Variants in SGMS2 observed in about 807,000 individuals in gnomAD.
The protein encoded by SGMS2 is sphingomyelin synthase 2.
In SGMS2, 21 loss-of-function variants were observed where a neutral mutation model predicts 43.8. That is an observed-to-expected ratio of 0.48 (90% CI 0.34 to 0.69). The LOEUF (loss-of-function observed/expected upper bound fraction) is 0.69, where lower values mean the gene tolerates loss of function less well. SGMS2 is among the 30% of genes least tolerant of loss of function. The pLI, the probability that SGMS2 is intolerant of heterozygous loss-of-function variation, is 0.01. For synonymous variants in SGMS2, 167 were observed against 160.6 expected (o/e 1.04, Z -0.30); for missense variants, 384 against 443.2 (o/e 0.87, Z 1.20).
intron 1 of SGMS2, among the ~76,000 whole-genome samples, chr4:107,826,161 G>C (rs1253247829): frequency 6.6e-6 from 1 of 152,148 alleles, no homozygotes. Context: ...TAATAATGAG[G>C]ATAATAATGA....
chr4:107,878,409 C>T (rs559654573), intron 2 of SGMS2, among the ~76,000 whole-genome samples: 28 of 152,242 alleles, frequency 1.8e-4, no homozygotes, highest in Non-Finnish European at 3.1e-4. Flanking sequence ...CACTCTCACA[C>T]CTTAACTTTG....
chr4:107,865,969 A>C (rs1188050411), intron 2 of SGMS2, among the ~76,000 whole-genome samples: 6 of 152,178 alleles, frequency 3.9e-5, no homozygotes, highest in African/African-American at 1.4e-4. Context: ...GCCAATGGCC[A>C]ATCATTTAGC....
At chr4:107,859,969 T>C (rs1578545551) in intron 2 of SGMS2, among the ~76,000 whole-genome samples, 2 of 151,678 alleles carry the variant, frequency 1.3e-5, no homozygotes, top group East Asian at 3.9e-4. Context: ...GTTTTTTTTT[T>C]CCTTTGCAAT....
chr4:107,855,733 GT>G (rs1206054242), intron 1 of SGMS2, among the ~76,000 whole-genome samples: 1 of 152,122 alleles, frequency 6.6e-6, no homozygotes, highest in Non-Finnish European at 1.5e-5. Flanking sequence ...TAATTCCAAT[GT>G]TTTTTACTGA....
At chr4:107,906,684 G>A (rs1731606851) in intron 5 of SGMS2, among the ~76,000 whole-genome samples, 1 of 152,138 alleles carries the variant, frequency 6.6e-6, no homozygotes. Flanking sequence ...ATGAGTGGTG[G>A]GCCCAATGTG....
chr4:107,890,674 C>CA (rs58069785), intron 2 of SGMS2, among the ~76,000 whole-genome samples: 11,414 of 62,496 alleles, frequency 0.18, 714 homozygotes, highest in African/African-American at 0.29. Flanking sequence ...TACTCCACCT[C>CA]AAAAAAAAAA....
At chr4:107,860,492 G>T (rs79237587) in intron 2 of SGMS2, among the ~76,000 whole-genome samples, 1,519 of 151,226 alleles carry the variant, frequency 0.01, 32 homozygotes, top group African/African-American at 0.035. Flanking sequence ...AATTTTAATA[G>T]ATATCATTAA....
chr4:107,827,285 G>A (rs1725645833), intron 1 of SGMS2, among the ~76,000 whole-genome samples: 1 of 152,140 alleles, frequency 6.6e-6, no homozygotes. Flanking sequence ...TTAACGTTTA[G>A]TATGCAACAA....
intron 1 of SGMS2, among the ~76,000 whole-genome samples, chr4:107,849,374 T>G (rs1328819979): frequency 1.3e-5 from 2 of 152,168 alleles, no homozygotes; most frequent in Non-Finnish European, 2.9e-5. Flanking sequence ...ATGTAGCTAG[T>G]GTGACTGAGG....
At chr4:107,825,588 GTGTT>G (rs1725535797) in intron 1 of SGMS2, among the ~76,000 whole-genome samples, 1 of 149,802 alleles carries the variant, frequency 6.7e-6, no homozygotes, top group Non-Finnish European at 1.5e-5. Context: ...CTGTGTGTGT[GTGTT>G]TGTGTGTGTG....
chr4:107,901,124 C>G (rs908410567), intron 4 of SGMS2, among the ~76,000 whole-genome samples: 1 of 152,160 alleles, frequency 6.6e-6, no homozygotes, highest in African/African-American at 2.4e-5. Flanking sequence ...TCTTTGGAAG[C>G]CACATCAGTG....
At position 107,909,683 on chromosome 4, in the gene SGMS2, C is replaced by T. The variant is rs551571033; in HGVS notation, c.895-667C>T. Among the ~76,000 whole-genome samples the T allele has an allele frequency of 2.0e-5, 3 of 152,312 alleles. No homozygotes were observed. In the South Asian group the frequency reaches 6.2e-4, roughly 32 times the overall value. On this transcript the variant is annotated intron_variant, in intron 6 of 6. Coordinates refer to ENST00000690982, the MANE Select transcript of SGMS2 (RefSeq NM_001375905.1). ...AATTATTCCTCCCAGTCTCTCTTTT[C>T]TCCTAGTCTTGGTATGTGTCCTTGG...
chr4:107,906,196 A>G (rs1422860489), intron 5 of SGMS2, among the ~76,000 whole-genome samples: 1 of 152,094 alleles, frequency 6.6e-6, no homozygotes, highest in Non-Finnish European at 1.5e-5. Context: ...ATTTATATAT[A>G]TATTTTTTTA....
In SGMS2 at chr4:107,850,992, C is replaced by T. The variant is rs552735552; in HGVS notation, c.-326-7480C>T. Among the ~76,000 whole-genome samples, 4 of 152,310 alleles carry T rather than the reference C, an allele frequency of 2.6e-5. No individual in the cohort carries two copies. The South Asian group carries it at 8.3e-4, about 32-fold the overall frequency. ...TTTAATACTCTCTTTCATATGGACACCACCAAATAACTCCTTAGCATCCTG... is the reference window on the plus strand; with the variant it reads ...TTTAATACTCTCTTTCATATGGACATCACCAAATAACTCCTTAGCATCCTG... On this transcript the variant is annotated intron_variant, in intron 1 of 6. Coordinates refer to ENST00000690982, the MANE Select transcript of SGMS2 (RefSeq NM_001375905.1).
At chr4:107,854,552 C>G (rs930163891) in intron 1 of SGMS2, among the ~76,000 whole-genome samples, 1 of 152,096 alleles carries the variant, frequency 6.6e-6, no homozygotes, top group African/African-American at 2.4e-5. Context: ...TTCAATGCAT[C>G]AGGTTACTTA....
intron 4 of SGMS2, among the ~76,000 whole-genome samples, chr4:107,901,643 T>C (rs945039035): frequency 4.6e-5 from 7 of 152,212 alleles, no homozygotes; most frequent in African/African-American, 1.7e-4. Flanking sequence ...TCACTTTTAA[T>C]TTTTTGCTTA....
chr4:107,830,174 T>G (rs1234449587), intron 1 of SGMS2, among the ~76,000 whole-genome samples: 6 of 152,172 alleles, frequency 3.9e-5, no homozygotes, highest in Non-Finnish European at 8.8e-5. Context: ...GATAATGGCC[T>G]CCAGCTACAT....
intron 6 of SGMS2, among the ~76,000 whole-genome samples, chr4:107,909,271 A>G (rs13125104): frequency 0.29 from 43,901 of 151,700 alleles, 6,927 homozygotes; most frequent in African/African-American, 0.42. Context: ...ACGCCTGGCT[A>G]ATTTTTATTT....
At chr4:107,873,647 G>C (rs995982309) in intron 2 of SGMS2, among the ~76,000 whole-genome samples, 1 of 151,998 alleles carries the variant, frequency 6.6e-6, no homozygotes, top group African/African-American at 2.4e-5. Context: ...GTTCCTGAGA[G>C]AGTATCTGAC....
Sources: gnomAD v4.1 joint callset for allele counts (sites outside exome capture counted in the v4.1 genomes callset) on GRCh38, gnomAD v4.1.1 for gene constraint, MANE v1.5 for transcripts, NCBI Gene and HGNC (gene_info 2026-07-23, HGNC 2026-07-21) for gene names.